Variants in ADAT1 observed in about 807,000 individuals in gnomAD.
ADAT1 encodes adenosine deaminase tRNA specific 1, also known as tRNA-specific adenosine deaminase 1.
ADAT1 carries 58 observed loss-of-function variants against 58.6 expected under a neutral mutation model. That is an observed-to-expected ratio of 0.99 (90% CI 0.80 to 1.23). The LOEUF is 1.23. ADAT1 is among the 50% of genes most tolerant of loss of function. The probability of loss-of-function intolerance (pLI) is 0.00; values close to 1 mark genes in which losing one functional copy is unlikely to be tolerated. For missense variants in ADAT1, 741 were observed against 608.6 expected (o/e 1.22, Z -2.29); for synonymous variants, 254 against 220.8 (o/e 1.15, Z -1.33).
In ADAT1 at chr16:75,597,704, G is replaced by T. The variant is rs2081108804; in HGVS notation, c.*2512C>A. Among the ~76,000 whole-genome samples, 1 of 152,190 alleles carries T rather than the reference G, an allele frequency of 6.6e-6. No homozygotes were observed. ...TGCAACTAGACAGTCCCATATGGGG[G>T]TTATGGAAGACACTGACAGATCATC... On this transcript the variant is annotated 3_prime_UTR_variant, in exon 10 of 10. Transcript: ENST00000564657.
Position 75,598,884 on chromosome 16 carries a change from C to T in ADAT1, c.*1332G>A, listed in dbSNP as rs2081144588. The T allele has an allele frequency of 3.1e-6, 3 of 982,570 alleles. No homozygotes were observed. Among genetic ancestry groups the T allele is most frequent in the Non-Finnish European group, 3.6e-6 (3 of 827,688 alleles). The allele number at this position is 982,570 out of a possible 1,614,324, so 60.9% of individuals were successfully genotyped here. ...ATGGTCTGTGAATTATATCTCAATA[C>T]AACTGTTATTTAAAAATATTTATAG... On this transcript the variant is annotated 3_prime_UTR_variant, in exon 10 of 10. Transcript: ENST00000564657.
Position 75,612,846 on chromosome 16 carries a change from A to G in ADAT1, c.440T>C (p.Ile147Thr), listed in dbSNP as rs780904361. The G allele has an allele frequency of 6.2e-7, 1 of 1,613,740 alleles. No homozygotes were observed. The highest frequency in any genetic ancestry group is 1.1e-5 in the South Asian group (1 of 91,066). Residue 147 changes from isoleucine to threonine, a missense_variant, in exon 6 of 10, where the codon ATC becomes ACC. Ile to Thr is a moderately conservative substitution (Grantham distance 89). Transcript: ENST00000564657. The stretch of plus-strand genomic sequence containing the variant: ...ATCTTCAAACTCAAGCATCGGAATG[A>G]TGGAGGCATCCCCACCTGCAGAGAA... ...SSHTPCGDASIIPMLEFEDQP... is the reference protein window; with the variant it reads ...SSHTPCGDASTIPMLEFEDQP...
At position 75,620,824 on chromosome 16, in the gene ADAT1, G is replaced by A. The variant is rs1392666121; in HGVS notation, c.-21-4C>T. The A allele has an allele frequency of 6.3e-7, 1 of 1,593,906 alleles. No individual in the cohort carries two copies. Among genetic ancestry groups the A allele is most frequent in the Admixed American group, 1.7e-5 (1 of 58,384 alleles). ...TGGTCTGAGCTGGTATTGAGACCTT[G>A]ATCAAAAACCACAACCATCAGAAGT... On this transcript the variant is annotated splice_region_variant and splice_polypyrimidine_tract_variant and intron_variant, in intron 1 of 9. Transcript: ENST00000564657.
chr16:75,604,326 A>C (rs1331586330), intron 8 of ADAT1, among the ~76,000 whole-genome samples: 1 of 148,096 alleles, frequency 6.8e-6, no homozygotes, highest in African/African-American at 2.5e-5. Context: ...CCAGCTACTC[A>C]GGAGGCTGAA....
At position 75,608,408 on chromosome 16, in the gene ADAT1, T is replaced by A. The variant is rs2081426904; in HGVS notation, c.1190-85A>T. On this transcript the variant is annotated intron_variant, in intron 7 of 9. Transcript: ENST00000564657. ...ATTTTAATAAAAATATTTCTCTGACTCTACAGACCCATGAGAGCTGGATAT... is the reference window on the plus strand; with the variant it reads ...ATTTTAATAAAAATATTTCTCTGACACTACAGACCCATGAGAGCTGGATAT... 2.4e-5 allele frequency: 28 copies of A among 1,188,050 alleles called. No homozygotes were observed. In the South Asian group the frequency reaches 3.6e-4, roughly 15 times the overall value. 73.6% of individuals were successfully genotyped at this position (1,188,050 alleles called of 1,614,324 possible). A position where few individuals can be genotyped will look rare whatever the true frequency, so the allele number is the denominator to read the frequency against.
In ADAT1 at chr16:75,620,836, C is replaced by T; in HGVS notation, c.-21-16G>A. Reference sequence around the variant, plus strand: ...GTATTGAGACCTTGATCAAAAACCACAACCATCAGAAGTACGGAAAGGAGA... The same window carrying T: ...GTATTGAGACCTTGATCAAAAACCATAACCATCAGAAGTACGGAAAGGAGA... On this transcript the variant is annotated splice_polypyrimidine_tract_variant and intron_variant, in intron 1 of 9. Transcript: ENST00000564657. 2 of 1,590,846 alleles carry T rather than the reference C, an allele frequency of 1.3e-6. 1 individual carries two copies. The highest frequency in any genetic ancestry group is 2.2e-5 in the South Asian group (2 of 89,508).
intron 3 of ADAT1, among the ~76,000 whole-genome samples, chr16:75,619,045 T>A (rs926013626): frequency 6.6e-6 from 1 of 152,190 alleles, no homozygotes; most frequent in African/African-American, 2.4e-5. Flanking sequence ...AAAAACCTCA[T>A]TCGGAGAACA....
chr16:75,611,282 C>A (rs1393190428), intron 6 of ADAT1, among the ~76,000 whole-genome samples: 2 of 152,126 alleles, frequency 1.3e-5, no homozygotes, highest in African/African-American at 4.8e-5. Flanking sequence ...AGCGCTCATC[C>A]TCTTATAATT....
chr16:75,600,498 A>T, intron 9 of ADAT1, 150 bp from the exon 10 acceptor site: 1 of 1,321,994 alleles, frequency 7.6e-7, no homozygotes, highest in South Asian at 1.6e-5. Flanking sequence ...TTGATCATAC[A>T]AACTACGTTA....
chr16:75,616,204 C>T (rs2081717860), intron 5 of ADAT1, among the ~76,000 whole-genome samples: 1 of 152,120 alleles, frequency 6.6e-6, no homozygotes, highest in African/African-American at 2.4e-5. Context: ...AATGGGGTTT[C>T]TCCATGTTGG....
intron 8 of ADAT1, 77 bp from the exon 9 acceptor site, chr16:75,603,248 T>A: frequency 7.5e-7 from 1 of 1,334,020 alleles, no homozygotes; most frequent in Non-Finnish European, 1.1e-6. Context: ...ATGCCAGGCT[T>A]CATGTGGTTT....
intron 9 of ADAT1, 107 bp downstream of exon 9, chr16:75,602,978 A>G (rs2151743679): frequency 1.1e-6 from 1 of 936,988 alleles, no homozygotes; most frequent in African/African-American, 1.6e-5. Context: ...AATAAGTGCC[A>G]CTGGCTTGCT....
In ADAT1 at chr16:75,620,274, C is replaced by A; in HGVS notation, c.230G>T (p.Arg77Met). 1 of 1,614,124 alleles carries A rather than the reference C, an allele frequency of 6.2e-7. No homozygotes were observed. The change falls in exon 3 of 10, where the codon AGG (arginine) becomes ATG (methionine). Residue 77 changes from arginine to methionine, a missense_variant. Coordinates refer to ENST00000564657, the MANE Select transcript of ADAT1 (RefSeq NM_001324445.2). ...TTCCCACCCGTGCTTACCGTTCTTCCTCATTTTGGACTGTCCTATGCATTT... is the reference window on the plus strand; with the variant it reads ...TTCCCACCCGTGCTTACCGTTCTTCATCATTTTGGACTGTCCTATGCATTT... ...GTKCIGQSKM[R>M]KNGDILNDSH...
intron 1 of ADAT1, among the ~76,000 whole-genome samples, chr16:75,622,196 G>A (rs1019324313): frequency 3.3e-5 from 5 of 152,190 alleles, no homozygotes; most frequent in Non-Finnish European, 7.3e-5. Flanking sequence ...TGCAGCTTTT[G>A]AAAGATGGTA....
rs1262374399 is a variant in ADAT1, at chr16:75,623,124, G to T, written c.-743C>A. ...CGTGGAGCGCCTTCCCACGTGAAACGCGTCCCGGAAGATACGATCCTCACA... is the reference window on the plus strand; with the variant it reads ...CGTGGAGCGCCTTCCCACGTGAAACTCGTCCCGGAAGATACGATCCTCACA... On this transcript the variant is annotated 5_prime_UTR_variant, in exon 1 of 10. Coordinates refer to ENST00000564657, the MANE Select transcript of ADAT1 (RefSeq NM_001324445.2). 6 of 152,262 alleles carry T rather than the reference G, an allele frequency of 3.9e-5. No homozygotes were observed. The East Asian group carries it at 1.2e-3, about 29-fold the overall frequency. 9.4% of individuals were successfully genotyped at this position (152,262 alleles called of 1,614,324 possible). A position where few individuals can be genotyped will look rare whatever the true frequency, so the allele number is the denominator to read the frequency against.
intron 4 of ADAT1, among the ~76,000 whole-genome samples, chr16:75,618,376 C>T (rs748334921): frequency 6.6e-6 from 1 of 151,636 alleles, no homozygotes; most frequent in Non-Finnish European, 1.5e-5. Flanking sequence ...CATGGTGGCA[C>T]GGGCCTGTAG....
At position 75,604,432 on chromosome 16, in the gene ADAT1, C is replaced by CAAAA. The variant is rs869079388; in HGVS notation, c.1290-1265_1290-1262dup. Among the ~76,000 whole-genome samples, 60 of 7,924 alleles carry CAAAA rather than the reference C, an allele frequency of 7.6e-3. 14 individuals carry two copies. Among genetic ancestry groups the CAAAA allele is most frequent in the African/African-American group, 0.013 (16 of 1,238 alleles). The allele number at this position is 7,924 out of a possible 152,430, so 5.2% of individuals were successfully genotyped here. On this transcript the variant is annotated intron_variant, in intron 8 of 9. Transcript: ENST00000564657. ...TGGGTGACAGAGTGAGATTCTGTCT[C>CAAAA]AAAAAAAAAAAAAAAAAAAAAAAAA...
chr16:75,620,609 T>G, intron 2 of ADAT1, 22 bp downstream of exon 2: 1 of 1,610,970 alleles, frequency 6.2e-7, no homozygotes. Flanking sequence ...GTGAGGAGCA[T>G]GCCAAGAAGA....
chr16:75,612,905 G>T, intron 5 of ADAT1, 44 bp from the exon 6 acceptor site: 1 of 1,574,630 alleles, frequency 6.4e-7, no homozygotes, highest in Non-Finnish European at 8.6e-7. Flanking sequence ...CTCAAGTGAG[G>T]TCCCTGGACC....
Sources: gnomAD v4.1 joint callset for allele counts (sites outside exome capture counted in the v4.1 genomes callset) on GRCh38, gnomAD v4.1.1 for gene constraint, MANE v1.5 for transcripts, NCBI Gene and HGNC (gene_info 2026-07-23, HGNC 2026-07-21) for gene names.